The following DDX10 variants were observed in gnomAD, a reference collection of about 807,000 sequenced individuals.
The protein encoded by DDX10 is DEAD-box helicase 10, also known as probable ATP-dependent RNA helicase DDX10.
A neutral mutation model predicts 104.3 loss-of-function variants in DDX10; 74 were observed. That is an observed-to-expected ratio of 0.71 (90% CI 0.59 to 0.86). The LOEUF (loss-of-function observed/expected upper bound fraction) is 0.86, where lower values mean the gene tolerates loss of function less well. Ranked by LOEUF, DDX10 falls within the 40% of genes least tolerant of loss-of-function variation. The probability of loss-of-function intolerance (pLI) is 0.00; values close to 1 mark genes in which losing one functional copy is unlikely to be tolerated. For missense variants in DDX10, 952 were observed against 1,040.0 expected (o/e 0.92, Z 1.16); for synonymous variants, 351 against 353.4 (o/e 0.99, Z 0.08).
At chr11:108,902,411 A>G (rs1453301172) in intron 16 of DDX10, among the ~76,000 whole-genome samples, 2 of 152,152 alleles carry the variant, frequency 1.3e-5, no homozygotes, top group African/African-American at 2.4e-5. Context: ...TCATGACATA[A>G]TGAGAAGAGG....
chr11:108,701,673 C>CTTTTTTT (rs1268701857), intron 9 of DDX10, among the ~76,000 whole-genome samples: 1 of 96,036 alleles, frequency 1.0e-5, no homozygotes, highest in Non-Finnish European at 2.1e-5. Flanking sequence ...TCTTCTTCTT[C>CTTTTTTT]TCTTTTTTTT....
Position 108,688,817 on chromosome 11 carries a change from G to A in DDX10, c.849-119G>A, listed in dbSNP as rs2094248091. Reference sequence around the variant, plus strand: ...GAGAAAAATTCTTTTTTTGGTGTATGTGTGTAGGAAATTTGCTTGAGAGAT... The same window carrying A: ...GAGAAAAATTCTTTTTTTGGTGTATATGTGTAGGAAATTTGCTTGAGAGAT... On this transcript the variant is annotated intron_variant, in intron 6 of 17. Transcript: ENST00000322536. The A allele has an allele frequency of 4.5e-5, 47 of 1,051,664 alleles. 1 individual carries two copies. In the South Asian group the frequency reaches 7.7e-4, roughly 17 times the overall value. The allele number at this position is 1,051,664 out of a possible 1,614,324, so 65.1% of individuals were successfully genotyped here. A position where few individuals can be genotyped will look rare whatever the true frequency, so the allele number is the denominator to read the frequency against.
At chr11:108,873,149 G>C (rs1863104946) in intron 16 of DDX10, among the ~76,000 whole-genome samples, 1 of 152,146 alleles carries the variant, frequency 6.6e-6, no homozygotes, top group African/African-American at 2.4e-5. Context: ...TCTTGTGTTA[G>C]GGTAATATGG....
intron 11 of DDX10, among the ~76,000 whole-genome samples, chr11:108,718,792 G>A (rs2134472190): frequency 6.6e-6 from 1 of 152,326 alleles, no homozygotes; most frequent in Non-Finnish European, 1.5e-5. Context: ...TAGAACAAAA[G>A]TGATAAGCAA....
intron 16 of DDX10, among the ~76,000 whole-genome samples, chr11:108,853,599 C>G (rs1267227380): frequency 1.3e-5 from 2 of 151,906 alleles, no homozygotes; most frequent in Admixed American, 6.6e-5. Flanking sequence ...AGCTATCCTC[C>G]TGGAAACCTC....
chr11:108,729,215 C>T (rs538849066), intron 13 of DDX10, among the ~76,000 whole-genome samples: 3 of 152,202 alleles, frequency 2.0e-5, no homozygotes, highest in East Asian at 1.9e-4. Context: ...TTTGGGTTAT[C>T]GACAGGGTTC....
intron 13 of DDX10, among the ~76,000 whole-genome samples, chr11:108,728,614 A>G (rs1299927398): frequency 6.7e-6 from 1 of 148,708 alleles, no homozygotes; most frequent in African/African-American, 2.5e-5. Context: ...TCCCAGGCCC[A>G]AGCGATTCTT....
At chr11:108,760,459 A>C (rs899777722) in intron 13 of DDX10, among the ~76,000 whole-genome samples, 1 of 152,038 alleles carries the variant, frequency 6.6e-6, no homozygotes, top group African/African-American at 2.4e-5. Flanking sequence ...AACCTGTTCA[A>C]ACTCATGCAT....
intron 3 of DDX10, among the ~76,000 whole-genome samples, chr11:108,676,096 A>G (rs1405929913): frequency 6.6e-6 from 1 of 152,202 alleles, no homozygotes; most frequent in African/African-American, 2.4e-5. Context: ...TGCCAGTGGC[A>G]TTTATACTTG....
At chr11:108,711,584 C>T (rs561586801) in intron 10 of DDX10, among the ~76,000 whole-genome samples, 31 of 152,042 alleles carry the variant, frequency 2.0e-4, no homozygotes, top group African/African-American at 6.5e-4. Flanking sequence ...CTGCCCTCCT[C>T]GGCCTCCCAA....
chr11:108,734,728 CTTTAT>C (rs1177685432), intron 13 of DDX10, among the ~76,000 whole-genome samples: 1 of 152,032 alleles, frequency 6.6e-6, no homozygotes, highest in East Asian at 1.9e-4. Context: ...CCGTATTTAT[CTTTAT>C]TTTAAGGTAG....
chr11:108,827,891 A>G (rs920390178), intron 13 of DDX10, among the ~76,000 whole-genome samples: 1 of 152,230 alleles, frequency 6.6e-6, no homozygotes, highest in South Asian at 2.1e-4. Context: ...TGGCTCTTAA[A>G]TTTTAAAATT....
chr11:108,834,203 A>G (rs1290257273), intron 13 of DDX10, among the ~76,000 whole-genome samples: 1 of 151,524 alleles, frequency 6.6e-6, no homozygotes, highest in Non-Finnish European at 1.5e-5. Context: ...TCCTGGGCCC[A>G]AGAGATTCTC....
chr11:108,671,148 A>G (rs2094216472), intron 1 of DDX10, among the ~76,000 whole-genome samples: 1 of 152,160 alleles, frequency 6.6e-6, no homozygotes, highest in Non-Finnish European at 1.5e-5. Flanking sequence ...CCCCTAAGAA[A>G]GGGATAAAGG....
chr11:108,789,688 G>A (rs182405740), intron 13 of DDX10, among the ~76,000 whole-genome samples: 93 of 152,216 alleles, frequency 6.1e-4, no homozygotes, highest in African/African-American at 2.2e-3. Context: ...GTATTGCCAG[G>A]GATAACATGT....
chr11:108,753,726 A>G (rs1029536356), intron 13 of DDX10, among the ~76,000 whole-genome samples: 2 of 152,082 alleles, frequency 1.3e-5, no homozygotes, highest in Non-Finnish European at 2.9e-5. Context: ...AATGGCAAAT[A>G]AGCAAAAGTA....
chr11:108,698,321 A>C (rs1480623556), intron 9 of DDX10, among the ~76,000 whole-genome samples: 1 of 152,244 alleles, frequency 6.6e-6, no homozygotes, highest in Non-Finnish European at 1.5e-5. Flanking sequence ...TGTGTACCTT[A>C]GATATAAGAT....
intron 13 of DDX10, among the ~76,000 whole-genome samples, chr11:108,775,446 T>C (rs1195730528): frequency 1.3e-5 from 2 of 151,756 alleles, no homozygotes; most frequent in African/African-American, 4.8e-5. Context: ...CTGAAAAGAG[T>C]GGAAAGGAAG....
At chr11:108,669,906 A>G (rs995090928) in intron 1 of DDX10, among the ~76,000 whole-genome samples, 1 of 152,202 alleles carries the variant, frequency 6.6e-6, no homozygotes, top group Non-Finnish European at 1.5e-5. Context: ...AGGCGGGGAA[A>G]TGGACTCTGC....
Sources: allele counts gnomAD v4.1 joint callset (sites outside exome capture counted in the v4.1 genomes callset), GRCh38; gene constraint gnomAD v4.1.1; transcripts MANE v1.5; gene names NCBI Gene and HGNC (gene_info 2026-07-23, HGNC 2026-07-21).